Variants in SUSD6 observed in about 807,000 individuals in gnomAD.
The protein encoded by SUSD6 is sushi domain-containing protein 6.
Under a neutral mutation model 28.4 loss-of-function variants are expected in SUSD6, and 16 were observed. The ratio of observed to expected loss-of-function variants is 0.56; its 90% CI spans 0.38 to 0.86. The LOEUF (loss-of-function observed/expected upper bound fraction) is 0.86, where lower values mean the gene tolerates loss of function less well. Ranked by LOEUF, SUSD6 falls within the 40% of genes least tolerant of loss-of-function variation. SUSD6 has a pLI of 0.00. For synonymous variants in SUSD6, 147 were observed against 159.6 expected (o/e 0.92, Z 0.59); for missense variants, 341 against 384.2 (o/e 0.89, Z 0.94).
rs60835679 is a variant in SUSD6 at position 69,711,058 on chromosome 14, C to T, written c.*79C>T. 4,301 of 1,437,704 alleles carry T rather than the reference C, an allele frequency of 3.0e-3. 99 individuals carry two copies. In the African/African-American group the frequency reaches 0.052, roughly 17 times the overall value. The allele number at this position is 1,437,704 out of a possible 1,614,324, so 89.1% of individuals were successfully genotyped here. On this transcript the variant is annotated 3_prime_UTR_variant, in exon 6 of 6. Transcript: ENST00000342745. ...TCCCTGTGGGATTGAGCACCCTGTACTCTCCAGCCACCTTACCTGGATACC... is the reference window on the plus strand; with the variant it reads ...TCCCTGTGGGATTGAGCACCCTGTATTCTCCAGCCACCTTACCTGGATACC...
rs927772238 is a variant in SUSD6, at chr14:69,714,623, T to C, written c.*3644T>C. The C allele has an allele frequency of 6.6e-6, 1 of 152,230 alleles. No individual in the cohort carries two copies. Among genetic ancestry groups the C allele is most frequent in the African/African-American group, 2.4e-5 (1 of 41,456 alleles). The allele number at this position is 152,230 out of a possible 1,614,324, so 9.4% of individuals were successfully genotyped here. On this transcript the variant is annotated 3_prime_UTR_variant, in exon 6 of 6. Transcript: ENST00000342745. ...GAGAATATTTTGCTTGGCATATGTT[T>C]GGTCTGAATGGTGTAGTTGCTGGTT...
At chr14:69,657,715 C>T (rs1048769722) in intron 1 of SUSD6, among the ~76,000 whole-genome samples, 6 of 152,164 alleles carry the variant, frequency 3.9e-5, no homozygotes, top group Non-Finnish European at 7.3e-5. Flanking sequence ...TGTAATGTAT[C>T]GTCAACCCAT....
At chr14:69,646,863 G>A (rs1470002088) in intron 1 of SUSD6, among the ~76,000 whole-genome samples, 3 of 151,982 alleles carry the variant, frequency 2.0e-5, no homozygotes, top group East Asian at 1.9e-4. Flanking sequence ...CACCATGCCC[G>A]GCTAATTTTT....
chr14:69,704,355 T>A (rs1886356523), intron 3 of SUSD6, among the ~76,000 whole-genome samples: 1 of 152,200 alleles, frequency 6.6e-6, no homozygotes, highest in South Asian at 2.1e-4. Flanking sequence ...AGTTTATGTG[T>A]CAGATGGACC....
At chr14:69,655,005 G>A (rs962874438) in intron 1 of SUSD6, among the ~76,000 whole-genome samples, 6 of 151,986 alleles carry the variant, frequency 3.9e-5, no homozygotes, top group Admixed American at 6.6e-5. Flanking sequence ...GTTTTGGCCA[G>A]GCTGGCCTTG....
chr14:69,680,556 A>G (rs1320169018), intron 2 of SUSD6, among the ~76,000 whole-genome samples: 2 of 152,284 alleles, frequency 1.3e-5, no homozygotes, highest in Non-Finnish European at 2.9e-5. Flanking sequence ...AAACAAACTC[A>G]GGGTCCCATA....
At chr14:69,623,016 A>C (rs7144597) in intron 1 of SUSD6, among the ~76,000 whole-genome samples, 6,029 of 152,318 alleles carry the variant, frequency 0.04, 416 homozygotes, top group African/African-American at 0.14. Flanking sequence ...TGTATGTAGT[A>C]GTGATGTTCA....
intron 2 of SUSD6, among the ~76,000 whole-genome samples, chr14:69,662,004 G>A (rs977981373): frequency 6.6e-6 from 1 of 152,034 alleles, no homozygotes; most frequent in East Asian, 1.9e-4. Context: ...GGCTGATCTC[G>A]AACTCCTGGG....
intron 1 of SUSD6, among the ~76,000 whole-genome samples, chr14:69,648,580 C>T (rs1272138662): frequency 6.6e-6 from 1 of 152,116 alleles, no homozygotes; most frequent in Non-Finnish European, 1.5e-5. Flanking sequence ...CCCAGACTGA[C>T]TGGGAATGTA....
chr14:69,677,403 T>C (rs973608209), intron 2 of SUSD6, among the ~76,000 whole-genome samples: 3 of 151,872 alleles, frequency 2.0e-5, no homozygotes, highest in Admixed American at 6.6e-5. Flanking sequence ...AAAAATTAGC[T>C]GGGCGTGGTG....
intron 2 of SUSD6, among the ~76,000 whole-genome samples, chr14:69,695,081 A>AT (rs1358970012): frequency 1.3e-5 from 2 of 152,240 alleles, no homozygotes; most frequent in Non-Finnish European, 2.9e-5. Flanking sequence ...TGACTGGACA[A>AT]TAGGCTTCCT....
chr14:69,648,204 GA>G (rs1595041213), intron 1 of SUSD6, among the ~76,000 whole-genome samples: 1 of 152,136 alleles, frequency 6.6e-6, no homozygotes, highest in African/African-American at 2.4e-5. Context: ...ATATCCCTGT[GA>G]GATAGGCATT....
At chr14:69,663,947 G>A (rs1885699528) in intron 2 of SUSD6, among the ~76,000 whole-genome samples, 1 of 151,736 alleles carries the variant, frequency 6.6e-6, no homozygotes, top group African/African-American at 2.4e-5. Context: ...AGTCATCTCT[G>A]GGTCACCATG....
intron 2 of SUSD6, among the ~76,000 whole-genome samples, chr14:69,685,301 C>T (rs1300015278): frequency 6.6e-6 from 1 of 152,220 alleles, no homozygotes; most frequent in Non-Finnish European, 1.5e-5. Context: ...TCCCATAGGC[C>T]ACTTTGCTCC....
intron 2 of SUSD6, among the ~76,000 whole-genome samples, chr14:69,674,564 T>G (rs1278227265): frequency 6.6e-6 from 1 of 152,080 alleles, no homozygotes; most frequent in African/African-American, 2.4e-5. Context: ...CCTCCAGAGC[T>G]CCCCACTCTT....
chr14:69,674,862 C>A (rs569010992), intron 2 of SUSD6, among the ~76,000 whole-genome samples: 1 of 152,320 alleles, frequency 6.6e-6, no homozygotes, highest in African/African-American at 2.4e-5. Flanking sequence ...GCCTGGGCAA[C>A]TTTCAGGTAG....
chr14:69,669,265 T>A (rs1197143669), intron 2 of SUSD6, among the ~76,000 whole-genome samples: 1 of 152,048 alleles, frequency 6.6e-6, no homozygotes, highest in Non-Finnish European at 1.5e-5. Flanking sequence ...AGTTTCACCA[T>A]GTTGGCCAGG....
At chr14:69,615,062 A>G (rs1884939255) in intron 1 of SUSD6, among the ~76,000 whole-genome samples, 1 of 152,166 alleles carries the variant, frequency 6.6e-6, no homozygotes, top group Non-Finnish European at 1.5e-5. Flanking sequence ...AGTGGGAGAA[A>G]GATCAGAAGG....
chr14:69,636,854 A>T (rs1885272945), intron 1 of SUSD6, among the ~76,000 whole-genome samples: 1 of 152,182 alleles, frequency 6.6e-6, no homozygotes, highest in Admixed American at 6.5e-5. Flanking sequence ...TGGGAGATAT[A>T]TGAGGAAACT....
Sources: gnomAD v4.1 joint callset for allele counts (sites outside exome capture counted in the v4.1 genomes callset) on GRCh38, gnomAD v4.1.1 for gene constraint, MANE v1.5 for transcripts, NCBI Gene and HGNC (gene_info 2026-07-23, HGNC 2026-07-21) for gene names.